Variants in MAST4 observed in about 807,000 individuals in gnomAD.
MAST4 encodes the protein microtubule associated serine/threonine kinase family member 4.
Under a neutral mutation model 162.7 loss-of-function variants are expected in MAST4, and 89 were observed. That is an observed-to-expected ratio of 0.55 (90% CI 0.46 to 0.65). MAST4 has a LOEUF of 0.65. MAST4 is among the 30% of genes least tolerant of loss of function. The pLI, the probability that MAST4 is intolerant of heterozygous loss-of-function variation, is 0.00. For missense variants in MAST4, 3,153 were observed against 3,374.0 expected (o/e 0.93, Z 1.62); for synonymous variants, 1,479 against 1,361.1 (o/e 1.09, Z -1.91).
intron 3 of MAST4, among the ~76,000 whole-genome samples, chr5:66,870,526 C>T (rs1182814749): frequency 6.6e-6 from 1 of 152,152 alleles, no homozygotes; most frequent in Non-Finnish European, 1.5e-5. Flanking sequence ...TATCTTAATA[C>T]TGGGTTGTGT....
chr5:66,696,397 T>G (rs139732397), intron 1 of MAST4, among the ~76,000 whole-genome samples: 194 of 152,278 alleles, frequency 1.3e-3, no homozygotes, highest in African/African-American at 4.5e-3. Flanking sequence ...CACTTGTCTT[T>G]AGGCTTTAGC....
intron 1 of MAST4, among the ~76,000 whole-genome samples, chr5:66,629,516 G>T (rs1488924008): frequency 6.6e-6 from 1 of 152,092 alleles, no homozygotes; most frequent in Non-Finnish European, 1.5e-5. Context: ...TTTCCACCTG[G>T]GCCCACACAT....
chr5:66,909,669 C>T (rs944756061), intron 4 of MAST4, among the ~76,000 whole-genome samples: 1 of 152,200 alleles, frequency 6.6e-6, no homozygotes, highest in Non-Finnish European at 1.5e-5. Flanking sequence ...TTGAGGTCAA[C>T]ATGCTTGGGT....
At chr5:66,966,385 G>A (rs549966581) in intron 4 of MAST4, among the ~76,000 whole-genome samples, 19 of 152,330 alleles carry the variant, frequency 1.2e-4, no homozygotes, top group African/African-American at 4.3e-4. Flanking sequence ...AATAGAAGAT[G>A]TATTAGTTAC....
chr5:66,615,569 C>T (rs765708882), intron 1 of MAST4, among the ~76,000 whole-genome samples: 1 of 152,048 alleles, frequency 6.6e-6, no homozygotes, highest in Admixed American at 6.6e-5. Context: ...AATCCAAACA[C>T]TTTGGGAGGC....
rs571754438 is a variant in MAST4 at position 66,971,057 on chromosome 5, T to G, written c.674+71075T>G. On this transcript the variant is annotated intron_variant, in intron 4 of 28. Transcript: ENST00000403625. ...AGCATCTGGTTGGAGAGCCTGTGCC[T>G]CTATTTCTTCGGGACTTCAATTTGT... 3.9e-5 allele frequency among the ~76,000 whole-genome samples: 6 copies of G among 152,324 alleles called. No individual in the cohort carries two copies. In the South Asian group the frequency reaches 1.0e-3, roughly 26 times the overall value.
At chr5:66,769,301 G>T (rs1272384080) in intron 2 of MAST4, among the ~76,000 whole-genome samples, 2 of 152,120 alleles carry the variant, frequency 1.3e-5, no homozygotes, top group Non-Finnish European at 2.9e-5. Context: ...TATTTCTGGG[G>T]CTCGAGCCAA....
Position 67,165,724 on chromosome 5 carries a change from C to A in MAST4, c.6545C>A (p.Pro2182His). 6.3e-7 allele frequency: 1 copy of A among 1,577,092 alleles called. No homozygotes were observed. Among genetic ancestry groups the A allele is most frequent in the Non-Finnish European group, 8.6e-7 (1 of 1,162,526 alleles). ...PSSSPQDPPK[P>H]VAAHSESSSH... Reference sequence around the variant, plus strand: ...TCGAGCCCCCAGGACCCTCCCAAGCCTGTTGCTGCGCACAGTGAAAGCAGC... The same window carrying A: ...TCGAGCCCCCAGGACCCTCCCAAGCATGTTGCTGCGCACAGTGAAAGCAGC... Residue 2182 changes from proline (P) to histidine (H), a missense_variant, in exon 29 of 29, where the codon CCT becomes CAT. Coordinates refer to ENST00000403625, the MANE Select transcript of MAST4 (RefSeq NM_001164664.2).
At chr5:66,947,203 A>T (rs1744135766) in intron 4 of MAST4, among the ~76,000 whole-genome samples, 1 of 152,072 alleles carries the variant, frequency 6.6e-6, no homozygotes, top group Admixed American at 6.6e-5. Context: ...TCTGCCCTAG[A>T]AGAAGTAGGA....
At chr5:66,975,134 G>A (rs1454581760) in intron 4 of MAST4, among the ~76,000 whole-genome samples, 2 of 152,180 alleles carry the variant, frequency 1.3e-5, no homozygotes, top group African/African-American at 2.4e-5. Flanking sequence ...CCACAGAGAA[G>A]CCAGAAGATG....
intron 4 of MAST4, among the ~76,000 whole-genome samples, chr5:67,049,009 A>ACATATATATACG (rs1561576044): frequency 6.4e-5 from 8 of 125,430 alleles, no homozygotes; most frequent in African/African-American, 2.2e-4. Flanking sequence ...ATACACACAC[A>ACATATATATACG]TATATATATA....
At position 67,166,277 on chromosome 5, in the gene MAST4, C is replaced by G; in HGVS notation, c.7098C>G (p.Asp2366Glu). The G allele has an allele frequency of 6.4e-7, 1 of 1,557,310 alleles. No individual in the cohort carries two copies. Among genetic ancestry groups the G allele is most frequent in the Non-Finnish European group, 8.7e-7 (1 of 1,150,072 alleles). Reference sequence around the variant, plus strand: ...CGAGTCAGCCGGCCGCCAACACCGACAGAAGGGCGGAAGGGAAGAAATGCA... The same window carrying G: ...CGAGTCAGCCGGCCGCCAACACCGAGAGAAGGGCGGAAGGGAAGAAATGCA... ...KSPSQPAANT[D>E]RRAEGKKCTE... Residue 2366 changes from aspartate (D) to glutamate (E), a missense_variant, in exon 29 of 29, where the codon GAC becomes GAG. Transcript: ENST00000403625.
At chr5:66,815,196 A>G (rs1756659292) in intron 3 of MAST4, among the ~76,000 whole-genome samples, 2 of 152,244 alleles carry the variant, frequency 1.3e-5, no homozygotes, top group African/African-American at 2.4e-5. Context: ...TTTTTATACC[A>G]AAATGTTTAA....
chr5:67,081,214 CTG>C (rs1031220334), intron 5 of MAST4, among the ~76,000 whole-genome samples: 6 of 149,714 alleles, frequency 4.0e-5, no homozygotes, highest in African/African-American at 1.5e-4. Context: ...GAAGGGAAAA[CTG>C]TGCATATAAT....
rs556265356 is a variant in MAST4, at chr5:66,783,585, AG to A, written c.518-5084del. 1.8e-4 allele frequency among the ~76,000 whole-genome samples: 28 copies of A among 152,344 alleles called. No homozygotes were observed. In the South Asian group the frequency reaches 5.8e-3, roughly 32 times the overall value. On this transcript the variant is annotated intron_variant, in intron 2 of 28. Transcript: ENST00000403625. ...GGACAGATCAGTTACTGGATGTCAA[AG>A]CCTTGTCTTTTGCGTTAGGCTGTTG...
At chr5:66,657,929 T>C (rs568552626) in intron 1 of MAST4, among the ~76,000 whole-genome samples, 8 of 152,330 alleles carry the variant, frequency 5.3e-5, no homozygotes, top group Non-Finnish European at 1.2e-4. Flanking sequence ...CTTAAAATCC[T>C]CCATAGTGCT....
chr5:67,104,440 A>G lies in MAST4; in HGVS notation c.1221A>G (p.Ala407=). The change falls in exon 10 of 29, where the codon GCA becomes GCG. Residue 407 remains alanine (A), a synonymous_variant. Coordinates refer to ENST00000403625, the MANE Select transcript of MAST4 (RefSeq NM_001164664.2). The stretch of plus-strand genomic sequence containing the variant: ...CTCCTGACAACGTTCTACCCTTAGC[A>G]GATGGAGTGCTTAGTTTCACTCACC... ...SYSPDNVLPL[A]DGVLSFTHHQ... is the part of the protein sequence containing the mutation. 2 of 1,613,968 alleles carry G rather than the reference A, an allele frequency of 1.2e-6. No individual in the cohort carries two copies. The highest frequency in any genetic ancestry group is 2.2e-5 in the East Asian group (1 of 44,878).
chr5:67,075,111 GTA>G (rs1425843601), intron 5 of MAST4, among the ~76,000 whole-genome samples: 1 of 149,328 alleles, frequency 6.7e-6, no homozygotes, highest in Non-Finnish European at 1.5e-5. Flanking sequence ...ACCTAGAAAT[GTA>G]TATGTCTGCT....
At chr5:67,137,422 C>T (rs1368023073) in intron 19 of MAST4, among the ~76,000 whole-genome samples, 1 of 152,162 alleles carries the variant, frequency 6.6e-6, no homozygotes, top group East Asian at 1.9e-4. Context: ...TGCATATAGT[C>T]TAGCCAGCAG....
Sources: allele counts gnomAD v4.1 joint callset (sites outside exome capture counted in the v4.1 genomes callset), GRCh38; gene constraint gnomAD v4.1.1; transcripts MANE v1.5; gene names NCBI Gene and HGNC (gene_info 2026-07-23, HGNC 2026-07-21).